Variants in ADAMTS3 observed in about 807,000 individuals in gnomAD.
ADAMTS3 encodes A disintegrin and metalloproteinase with thrombospondin motifs 3.
ADAMTS3 carries 73 observed loss-of-function variants against 129.0 expected under a neutral mutation model. The observed-to-expected ratio is 0.57, with a 90% CI of 0.47 to 0.69. The LOEUF (loss-of-function observed/expected upper bound fraction) is 0.69, where lower values mean the gene tolerates loss of function less well. ADAMTS3 is among the 30% of genes least tolerant of loss of function. The probability of loss-of-function intolerance (pLI) is 0.00; values close to 1 mark genes in which losing one functional copy is unlikely to be tolerated. For missense variants in ADAMTS3, 1,457 were observed against 1,514.5 expected, an observed-to-expected ratio of 0.96 and a Z score of 0.63; for synonymous variants, 477 against 510.8, an observed-to-expected ratio of 0.93 and a Z score of 0.89.
Position 72,313,541 on chromosome 4 carries a change from G to A in ADAMTS3, c.1745+136C>T. On this transcript the variant is annotated intron_variant, in intron 12 of 21. Coordinates refer to ENST00000286657, the MANE Select transcript of ADAMTS3 (RefSeq NM_014243.3). ...TGGAGATGTATCAAAAACACAGACT[G>A]GTTTATGAACTGTGAACAATTTATT... 4.8e-6 allele frequency: 4 copies of A among 840,986 alleles called. 1 individual carries two copies. The South Asian group carries it at 8.6e-5, about 18-fold the overall frequency. The allele number at this position is 840,986 out of a possible 1,614,324, so 52.1% of individuals were successfully genotyped here. A position where few individuals can be genotyped will look rare whatever the true frequency, so the allele number is the denominator to read the frequency against.
chr4:72,515,202 A>G (rs1218230309), intron 3 of ADAMTS3, among the ~76,000 whole-genome samples: 1 of 152,140 alleles, frequency 6.6e-6, no homozygotes, highest in Non-Finnish European at 1.5e-5. Flanking sequence ...TCCATGGTGT[A>G]TATGTGCCAC....
At chr4:72,407,019 T>C (rs1227169643) in intron 4 of ADAMTS3, among the ~76,000 whole-genome samples, 2 of 152,126 alleles carry the variant, frequency 1.3e-5, no homozygotes, top group African/African-American at 2.4e-5. Flanking sequence ...TTTCAAATGT[T>C]GGGTCACCAA....
At chr4:72,436,955 T>G (rs1057461224) in intron 3 of ADAMTS3, among the ~76,000 whole-genome samples, 4 of 151,958 alleles carry the variant, frequency 2.6e-5, no homozygotes, top group Admixed American at 2.6e-4. Context: ...TGTATACATA[T>G]GTAACAAACC....
At chr4:72,470,898 A>G (rs1435975432) in intron 3 of ADAMTS3, among the ~76,000 whole-genome samples, 1 of 152,174 alleles carries the variant, frequency 6.6e-6, no homozygotes, top group Non-Finnish European at 1.5e-5. Flanking sequence ...CTTAAGTACA[A>G]AATTTTTAAT....
intron 3 of ADAMTS3, among the ~76,000 whole-genome samples, chr4:72,429,151 C>A (rs1437271518): frequency 1.3e-5 from 2 of 151,922 alleles, no homozygotes; most frequent in Admixed American, 1.3e-4. Context: ...AATTAATGTG[C>A]CAATCAAAAT....
intron 5 of ADAMTS3, chr4:72,330,421 G>T (rs1400910798): frequency 6.6e-6 from 1 of 152,080 alleles, no homozygotes; most frequent in Non-Finnish European, 1.5e-5. Flanking sequence ...AGTATACCTG[G>T]ATACCTCACA....
In ADAMTS3 at chr4:72,320,726, C is replaced by T. The variant is rs778138383; in HGVS notation, c.1090G>A (p.Ala364Thr). 5 of 1,613,196 alleles carry T rather than the reference C, an allele frequency of 3.1e-6. No individual in the cohort carries two copies. Among genetic ancestry groups the T allele is most frequent in the East Asian group, 2.2e-5 (1 of 44,816 alleles). The change falls in exon 7 of 22, where the codon GCT (alanine) becomes ACT (threonine). Residue 364 changes from alanine (A) to threonine (T), a missense_variant. Transcript: ENST00000286657. ...TTGACAGCAATACCTTGCATTCCAGCAGGTCCAAAGTCTTGCCTGGTTAAA... is the reference window on the plus strand; with the variant it reads ...TTGACAGCAATACCTTGCATTCCAGTAGGTCCAAAGTCTTGCCTGGTTAAA... ...IFLTRQDFGP[A>T]GMQGYAPVTG...
At chr4:72,313,884 T>C in intron 11 of ADAMTS3, 62 bp from the exon 12 acceptor site, 1 of 1,586,924 alleles carries the variant, frequency 6.3e-7, no homozygotes, top group Non-Finnish European at 8.6e-7. Context: ...GAAGTTGTTA[T>C]ACAAGAACCA....
At chr4:72,477,791 C>A (rs1213978515) in intron 3 of ADAMTS3, among the ~76,000 whole-genome samples, 1 of 151,932 alleles carries the variant, frequency 6.6e-6, no homozygotes, top group Non-Finnish European at 1.5e-5. Context: ...TGATAGACCA[C>A]TAGCAAGACT....
At chr4:72,377,177 G>A (rs1721156126) in intron 4 of ADAMTS3, among the ~76,000 whole-genome samples, 1 of 152,124 alleles carries the variant, frequency 6.6e-6, no homozygotes, top group African/African-American at 2.4e-5. Context: ...CTGTACCAGT[G>A]TGTATTCTGA....
At chr4:72,364,582 C>T (rs1223398969) in intron 4 of ADAMTS3, among the ~76,000 whole-genome samples, 1 of 150,018 alleles carries the variant, frequency 6.7e-6, no homozygotes, top group Non-Finnish European at 1.5e-5. Context: ...CCACCGCACT[C>T]CAGCCTGGGT....
chr4:72,416,613 T>C (rs1428760446), intron 3 of ADAMTS3, among the ~76,000 whole-genome samples: 1 of 152,196 alleles, frequency 6.6e-6, no homozygotes, highest in Non-Finnish European at 1.5e-5. Flanking sequence ...CTAATTACTT[T>C]ATACTTAGTC....
intron 4 of ADAMTS3, among the ~76,000 whole-genome samples, chr4:72,370,141 C>A (rs949542799): frequency 2.6e-5 from 4 of 152,106 alleles, no homozygotes; most frequent in Admixed American, 2.6e-4. Context: ...TTATGGCCCT[C>A]GAGACTGGAA....
At chr4:72,333,928 C>A (rs981626757) in intron 5 of ADAMTS3, among the ~76,000 whole-genome samples, 3 of 144,888 alleles carry the variant, frequency 2.1e-5, no homozygotes, top group East Asian at 2.2e-4. Context: ...AGGCTCACTG[C>A]AAGCTCTGCC....
chr4:72,548,219 C>CA (rs916958685), intron 3 of ADAMTS3, among the ~76,000 whole-genome samples: 17 of 149,984 alleles, frequency 1.1e-4, no homozygotes, highest in African/African-American at 2.9e-4. Context: ...AAAACATTAA[C>CA]AAAAAAAAAT....
intron 18 of ADAMTS3, among the ~76,000 whole-genome samples, chr4:72,296,637 G>A (rs533808376): frequency 1.3e-5 from 2 of 152,082 alleles, no homozygotes; most frequent in South Asian, 4.1e-4. Flanking sequence ...TGAAAGTTGA[G>A]GACATCCTGA....
At chr4:72,309,585 G>C in intron 14 of ADAMTS3, 65 bp from the exon 15 acceptor site, 1 of 1,567,748 alleles carries the variant, frequency 6.4e-7, no homozygotes, top group East Asian at 2.3e-5. Context: ...ACATCCCAGA[G>C]AATGATGAAC....
intron 4 of ADAMTS3, among the ~76,000 whole-genome samples, chr4:72,405,484 A>T (rs536140780): frequency 6.6e-6 from 1 of 152,168 alleles, no homozygotes; most frequent in Non-Finnish European, 1.5e-5. Flanking sequence ...AGGTTGTGTT[A>T]AGAGAGAAAG....
At position 72,319,884 on chromosome 4, in the gene ADAMTS3, A is replaced by C; in HGVS notation, c.1182T>G (p.Phe394Leu). The C allele has an allele frequency of 2.5e-6, 4 of 1,613,914 alleles. No individual in the cohort carries two copies. Among genetic ancestry groups the C allele is most frequent in the Non-Finnish European group, 3.4e-6 (4 of 1,179,888 alleles). The part of the protein sequence containing the change: ...LNHEDGFSSA[F>L]VVAHETGHVL... Reference sequence around the variant, plus strand: ...CATGGCCCGTTTCATGGGCTACTACAAAAGCAGATGAAAAACCATCCTCAT... The same window carrying C: ...CATGGCCCGTTTCATGGGCTACTACCAAAGCAGATGAAAAACCATCCTCAT... Residue 394 changes from phenylalanine to leucine, a missense_variant, in exon 8 of 22, where the codon TTT becomes TTG. Transcript: ENST00000286657.
Sources: allele counts gnomAD v4.1 joint callset (sites outside exome capture counted in the v4.1 genomes callset), GRCh38; gene constraint gnomAD v4.1.1; transcripts MANE v1.5; gene names NCBI Gene and HGNC (gene_info 2026-07-23, HGNC 2026-07-21).